The following TREML1 variants were observed in gnomAD, a reference collection of about 807,000 sequenced individuals.
The protein encoded by TREML1 is trem-like transcript 1 protein.
Under a neutral mutation model 22.8 loss-of-function variants are expected in TREML1, and 27 were observed. That is an observed-to-expected ratio of 1.19 (90% CI 0.87 to 1.64). The LOEUF (loss-of-function observed/expected upper bound fraction) is 1.64. Among genes scored for constraint, TREML1 ranks in the 40% most tolerant of loss-of-function variants. TREML1 has a pLI of 0.00. For missense variants in TREML1, 356 were observed against 382.0 expected (o/e 0.93, Z 0.57); for synonymous variants, 153 against 161.9 (o/e 0.94, Z 0.42).
chr6:41,151,032 A>T (rs567592046), intron 3 of TREML1, 125 bp from the exon 4 acceptor site: 12 of 840,776 alleles, frequency 1.4e-5, no homozygotes, highest in Non-Finnish European at 2.3e-5. Flanking sequence ...AAATAGAATG[A>T]GGGGAGCTGA....
intron 5 of TREML1, 96 bp downstream of exon 5, chr6:41,150,165 A>C (rs1765207312): frequency 1.4e-6 from 2 of 1,397,062 alleles, no homozygotes; most frequent in South Asian, 2.5e-5. Context: ...ACTAGGTCCC[A>C]GTCCTTTCTC....
Position 41,149,512 on chromosome 6 carries a change from G to T in TREML1, c.*92C>A. The T allele has an allele frequency of 7.3e-7, 1 of 1,378,906 alleles. No individual in the cohort carries two copies. The highest frequency in any genetic ancestry group is 9.9e-7 in the Non-Finnish European group (1 of 1,006,740). The allele number at this position is 1,378,906 out of a possible 1,614,324, so 85.4% of individuals were successfully genotyped here. ...AGATCTTAAAGTCCCTGGTTGCTCA[G>T]ATATCCTAAGGATCCTAGGGCATGA... On this transcript the variant is annotated 3_prime_UTR_variant, in exon 6 of 6. Coordinates refer to ENST00000426005, the MANE Select transcript of TREML1 (RefSeq NM_178174.4).
In TREML1 at chr6:41,153,908, G is replaced by C; in HGVS notation, c.226C>G (p.Arg76Gly). 3 of 1,614,156 alleles carry C rather than the reference G, an allele frequency of 1.9e-6. No homozygotes were observed. The highest frequency in any genetic ancestry group is 1.1e-5 in the South Asian group (1 of 91,088). The part of the protein sequence containing the change: ...AVDRRAPAGR[R>G]TFLTDLGGGL... ...CCACCCAGGTCTGTGAGAAACGTAC[G>C]CCTGCCCGCTGGAGCTCTGCGATCC... Residue 76 changes from arginine to glycine, a missense_variant, in exon 2 of 6, where the codon CGT becomes GGT. Arg to Gly is a moderately radical substitution (Grantham distance 125, BLOSUM62 -2). Coordinates refer to ENST00000426005, the MANE Select transcript of TREML1 (RefSeq NM_178174.4).
In TREML1 at chr6:41,153,718, G is replaced by A. The variant is rs747466175; in HGVS notation, c.376+40C>T. On this transcript the variant is annotated intron_variant, in intron 2 of 5. Transcript: ENST00000426005. ...CCTGGCAATAGGCGGGGGTGGGGAG[G>A]GTAGGTCTAAGGGGTGGTAGCTGGC... The A allele has an allele frequency of 3.2e-6, 5 of 1,539,514 alleles. No individual in the cohort carries two copies. In the African/African-American group the frequency reaches 5.5e-5, roughly 17 times the overall value.
At chr6:41,152,259 C>T (rs764143298) in intron 2 of TREML1, among the ~76,000 whole-genome samples, 4 of 152,118 alleles carry the variant, frequency 2.6e-5, no homozygotes, top group Admixed American at 6.5e-5. Context: ...TCACCTGAGC[C>T]GCAAGCCACA....
rs1056051363 is a variant in TREML1 at position 41,150,819 on chromosome 6, C to G, written c.568G>C (p.Gly190Arg). Reference protein sequence around the residue: ...LFAVMAKRKQGNRLGVCGRFL... With the variant: ...LFAVMAKRKQRNRLGVCGRFL... ...CTGAGATAGGAAGATAGCCACCTACCTTGTTTCCTCTTGGCCATCACAGCA... is the reference window on the plus strand; with the variant it reads ...CTGAGATAGGAAGATAGCCACCTACGTTGTTTCCTCTTGGCCATCACAGCA... The change falls in exon 4 of 6, where the codon GGG becomes CGG. Residue 190 changes from glycine to arginine, a missense_variant and splice_region_variant. Gly to Arg is a moderately radical substitution (Grantham distance 125, BLOSUM62 -2). Coordinates refer to ENST00000426005, the MANE Select transcript of TREML1 (RefSeq NM_178174.4). The G allele has an allele frequency of 1.2e-6, 2 of 1,613,882 alleles. No homozygotes were observed. The highest frequency in any genetic ancestry group is 1.7e-6 in the Non-Finnish European group (2 of 1,179,820).
At chr6:41,150,135 G>A (rs1423971120) in intron 5 of TREML1, 126 bp downstream of exon 5, 9 of 1,126,000 alleles carry the variant, frequency 8.0e-6, no homozygotes, top group South Asian at 3.0e-5. Context: ...ACAGCATTTA[G>A]GAAGAGGGTT....
chr6:41,155,367 G>A (rs1765392344), upstream of TREML1, among the ~76,000 whole-genome samples: 1 of 76,090 alleles, frequency 1.3e-5, no homozygotes, highest in African/African-American at 7.7e-5. Context: ...ACATTCCAGA[G>A]TAAACGTTTC....
chr6:41,153,666 G>A, intron 2 of TREML1, 92 bp downstream of exon 2: 2 of 1,344,110 alleles, frequency 1.5e-6, no homozygotes, highest in Middle Eastern at 1.9e-4. Flanking sequence ...CTCCCCAGGG[G>A]CCCCCACTCC....
chr6:41,152,143 AC>A (rs772837764), intron 2 of TREML1, among the ~76,000 whole-genome samples: 6 of 151,672 alleles, frequency 4.0e-5, no homozygotes, highest in African/African-American at 7.3e-5. Flanking sequence ...CACCATTCCT[AC>A]TCCCCATCCT....
rs114861576 is a variant in TREML1, at chr6:41,153,234, G to A, written c.376+524C>T. ...AATGACATTTTTCCATTTTTAAAAC[G>A]AAAGGAGTTGAAGTTGTTCAGGCAC... On this transcript the variant is annotated intron_variant, in intron 2 of 5. Transcript: ENST00000426005. Among the ~76,000 whole-genome samples the A allele has an allele frequency of 2.2e-3, 325 of 148,144 alleles. 1 individual carries two copies. The highest frequency in any genetic ancestry group is 7.8e-3 in the African/African-American group (313 of 39,938).
Position 41,154,228 on chromosome 6 carries a change from G to A in TREML1, c.43+18C>T, listed in dbSNP as rs1561875078. 1.2e-6 allele frequency: 2 copies of A among 1,612,678 alleles called. No homozygotes were observed. The highest frequency in any genetic ancestry group is 1.7e-6 in the Non-Finnish European group (2 of 1,179,170). ...TGAGCATATGGGGCCCAGAGCTGCA[G>A]CTCCTCCTGAACCTTACCTTCTAGT... is the stretch of plus-strand genomic sequence containing the variant. On this transcript the variant is annotated intron_variant, in intron 1 of 5. Coordinates refer to ENST00000426005, the MANE Select transcript of TREML1 (RefSeq NM_178174.4).
intron 2 of TREML1, among the ~76,000 whole-genome samples, chr6:41,153,342 C>T (rs1212097439): frequency 1.3e-5 from 2 of 149,732 alleles, no homozygotes; most frequent in African/African-American, 5.0e-5. Flanking sequence ...TTCCATAATT[C>T]TTAAGCCATC....
rs1439633778 is a variant in TREML1, at chr6:41,154,245, C to T, written c.43+1G>A. ...GAGCTGCAGCTCCTCCTGAACCTTA[C>T]CTTCTAGTCCCAGGAGCAGCAGCAA... On this transcript the variant is annotated splice_donor_variant, in intron 1 of 5. Coordinates refer to ENST00000426005, the MANE Select transcript of TREML1 (RefSeq NM_178174.4). LOFTEE classifies it high-confidence loss of function. 3.7e-6 allele frequency: 6 copies of T among 1,613,834 alleles called. No homozygotes were observed. The highest frequency in any genetic ancestry group is 5.1e-6 in the Non-Finnish European group (6 of 1,179,908).
Position 41,150,254 on chromosome 6 carries a change from C to T in TREML1, c.621+7G>A. The T allele has an allele frequency of 6.2e-7, 1 of 1,613,896 alleles. No homozygotes were observed. Among genetic ancestry groups the T allele is most frequent in the Non-Finnish European group, 8.5e-7 (1 of 1,179,910 alleles). On this transcript the variant is annotated splice_region_variant and intron_variant, in intron 5 of 5. Transcript: ENST00000426005. ...AATTTGGCTGTGGGCCTGCAGAGGC[C>T]TCTTACCATGCCTGAAACTCTGCTG...
intron 2 of TREML1, among the ~76,000 whole-genome samples, chr6:41,152,489 A>C (rs1765285347): frequency 6.6e-6 from 1 of 152,202 alleles, no homozygotes; most frequent in South Asian, 2.1e-4. Context: ...GATTAACAAT[A>C]TATTTATAAT....
rs1476457931 is a variant in TREML1, at chr6:41,153,916, G to A, written c.218C>T (p.Ala73Val). The change falls in exon 2 of 6, where the codon GCG (alanine) becomes GTG (valine). Residue 73 changes from alanine (A) to valine (V), a missense_variant. By Grantham distance (64) the Ala-to-Val change is moderately conservative. Coordinates refer to ENST00000426005, the MANE Select transcript of TREML1 (RefSeq NM_178174.4). ...GTCTGTGAGAAACGTACGCCTGCCC[G>A]CTGGAGCTCTGCGATCCACAGCTGA... ...VSSAVDRRAP[A>V]GRRTFLTDLG... The A allele has an allele frequency of 1.1e-5, 18 of 1,614,050 alleles. No individual in the cohort carries two copies. Among genetic ancestry groups the A allele is most frequent in the Middle Eastern group, 1.6e-4 (1 of 6,082 alleles).
rs181648608 is a variant in TREML1 at position 41,153,923 on chromosome 6, C to T, written c.211G>A (p.Ala71Thr). ...PLVSSAVDRR[A>T]PAGRRTFLTD... Reference sequence around the variant, plus strand: ...AGAAACGTACGCCTGCCCGCTGGAGCTCTGCGATCCACAGCTGAGGACACC... The same window carrying T: ...AGAAACGTACGCCTGCCCGCTGGAGTTCTGCGATCCACAGCTGAGGACACC... The change falls in exon 2 of 6, where the codon GCT becomes ACT. Residue 71 changes from alanine (A) to threonine (T), a missense_variant. Transcript: ENST00000426005. 24 of 1,614,204 alleles carry T rather than the reference C, an allele frequency of 1.5e-5. 1 individual carries two copies. In the East Asian group the frequency reaches 5.1e-4, roughly 34 times the overall value.
In TREML1 at chr6:41,151,387, G is replaced by A; in HGVS notation, c.377-3C>T. 6.2e-7 allele frequency: 1 copy of A among 1,613,482 alleles called. No individual in the cohort carries two copies. The highest frequency in any genetic ancestry group is 8.5e-7 in the Non-Finnish European group (1 of 1,179,424). On this transcript the variant is annotated splice_polypyrimidine_tract_variant and splice_region_variant and intron_variant, in intron 2 of 5. Transcript: ENST00000426005. Reference sequence around the variant, plus strand: ...CTTATGGGTCTCTTCTTCTTCCTCTGTCAGGCCAGGAATGGAGTCAGAAGG... The same window carrying A: ...CTTATGGGTCTCTTCTTCTTCCTCTATCAGGCCAGGAATGGAGTCAGAAGG...
Sources: allele counts gnomAD v4.1 joint callset (sites outside exome capture counted in the v4.1 genomes callset), GRCh38; gene constraint gnomAD v4.1.1; transcripts MANE v1.5; gene names NCBI Gene and HGNC (gene_info 2026-07-23, HGNC 2026-07-21).